PNPLA3: variants seen among roughly 807,000 people sequenced by gnomAD.
The protein encoded by PNPLA3 is 1-acylglycerol-3-phosphate O-acyltransferase PNPLA3.
PNPLA3 carries 42 observed loss-of-function variants against 43.1 expected under a neutral mutation model. The ratio of observed to expected loss-of-function variants is 0.97; its 90% CI spans 0.76 to 1.26. The LOEUF is 1.26. Among genes scored for constraint, PNPLA3 ranks in the 50% most tolerant of loss-of-function variants. The pLI is 0.00. For synonymous variants in PNPLA3, 272 were observed against 253.6 expected (o/e 1.07, Z -0.69); for missense variants, 647 against 621.4 (o/e 1.04, Z -0.44).
Position 43,944,802 on chromosome 22 carries a change from A to G in PNPLA3, c.1217+7A>G. The G allele has an allele frequency of 6.2e-7, 1 of 1,613,322 alleles. No individual in the cohort carries two copies. The highest frequency in any genetic ancestry group is 8.5e-7 in the Non-Finnish European group (1 of 1,179,360). Reference sequence around the variant, plus strand: ...GTCTGCTCCCCGCCTCCAGGTAAATACTTTGGCTGTGGGTGTGTGGGCCGG... The same window carrying G: ...GTCTGCTCCCCGCCTCCAGGTAAATGCTTTGGCTGTGGGTGTGTGGGCCGG... On this transcript the variant is annotated splice_region_variant and intron_variant, in intron 8 of 8. Coordinates refer to ENST00000216180, the MANE Select transcript of PNPLA3 (RefSeq NM_025225.3).
rs1485418741 is a variant in PNPLA3, at chr22:43,946,687, G to A, written c.*305G>A. ...CCCTATTAATGGTCAGACTGTTCCA[G>A]CATGAGGTTCTTAGAATGACAGGTG... On this transcript the variant is annotated 3_prime_UTR_variant, in exon 9 of 9. Transcript: ENST00000216180. 1.7e-6 allele frequency: 1 copy of A among 586,274 alleles called. No individual in the cohort carries two copies. Among genetic ancestry groups the A allele is most frequent in the Admixed American group, 1.9e-5 (1 of 53,390 alleles). The allele number at this position is 586,274 out of a possible 1,614,324, so 36.3% of individuals were successfully genotyped here. A position where few individuals can be genotyped will look rare whatever the true frequency, so the allele number is the denominator to read the frequency against.
rs200872474 is a variant in PNPLA3, at chr22:43,932,971, T to C, written c.580T>C (p.Cys194Arg). 94 of 1,614,192 alleles carry C rather than the reference T, an allele frequency of 5.8e-5. No individual in the cohort carries two copies. The highest frequency in any genetic ancestry group is 7.0e-5 in the Non-Finnish European group (83 of 1,180,020). Residue 194 changes from cysteine (C) to arginine (R), a missense_variant, in exon 4 of 9, where the codon TGC becomes CGC. Physicochemically the swap from Cys to Arg is radical, Grantham distance 180. Transcript: ENST00000216180. ...VSPFYGEYDI[C>R]PKVKSTNFLH... ...CCCCTTCTATGGGGAGTACGACATC[T>C]GCCCTAAAGTCAAGTCCACGAACTT...
chr22:43,927,834 C>G (rs145319602), intron 2 of PNPLA3, among the ~76,000 whole-genome samples: 175 of 152,274 alleles, frequency 1.1e-3, no homozygotes, highest in Non-Finnish European at 1.1e-3. Context: ...GTCCCAAACT[C>G]CTGCACCCAA....
intron 3 of PNPLA3, among the ~76,000 whole-genome samples, chr22:43,929,368 C>T (rs938521140): frequency 4.0e-5 from 6 of 150,444 alleles, no homozygotes; most frequent in African/African-American, 7.3e-5. Flanking sequence ...CCCAGCTGCT[C>T]GGGAGGCTGA....
At position 43,928,902 on chromosome 22, in the gene PNPLA3, T is replaced by C. The variant is rs747834895; in HGVS notation, c.486+13T>C. 4.4e-6 allele frequency: 7 copies of C among 1,604,148 alleles called. No homozygotes were observed. In the African/African-American group the frequency reaches 9.4e-5, roughly 21 times the overall value. On this transcript the variant is annotated intron_variant, in intron 3 of 8. Coordinates refer to ENST00000216180, the MANE Select transcript of PNPLA3 (RefSeq NM_025225.3). Reference sequence around the variant, plus strand: ...CTTCAGAGGCGTGGTAAGTCGGCTTTCTCTGCTAGCGCTGAGTCCTGGGGG... The same window carrying C: ...CTTCAGAGGCGTGGTAAGTCGGCTTCCTCTGCTAGCGCTGAGTCCTGGGGG...
At position 43,946,943 on chromosome 22, in the gene PNPLA3, A is replaced by T. The variant is rs553777736; in HGVS notation, c.*561A>T. On this transcript the variant is annotated 3_prime_UTR_variant, in exon 9 of 9. Coordinates refer to ENST00000216180, the MANE Select transcript of PNPLA3 (RefSeq NM_025225.3). ...ATGATAATCTACTTAATTTTAGAAC[A>T]CCTTTTTCACCTAACTAAAATAATG... is the stretch of plus-strand genomic sequence containing the variant. The T allele has an allele frequency of 3.3e-6, 1 of 304,870 alleles. No homozygotes were observed. The highest frequency in any genetic ancestry group is 2.2e-5 in the African/African-American group (1 of 45,086). 18.9% of individuals were successfully genotyped at this position (304,870 alleles called of 1,614,324 possible). A position where few individuals can be genotyped will look rare whatever the true frequency, so the allele number is the denominator to read the frequency against.
At chr22:43,929,472 T>C (rs1400585006) in intron 3 of PNPLA3, among the ~76,000 whole-genome samples, 1 of 137,116 alleles carries the variant, frequency 7.3e-6, no homozygotes, top group East Asian at 2.2e-4. Flanking sequence ...CGAGACTCTA[T>C]CTCAAAAAGA....
At chr22:43,937,558 C>T (rs1436552883) in intron 6 of PNPLA3, among the ~76,000 whole-genome samples, 1 of 152,182 alleles carries the variant, frequency 6.6e-6, no homozygotes, top group Non-Finnish European at 1.5e-5. Flanking sequence ...TAGGCTCCTG[C>T]CTGTGGCAGC....
At chr22:43,944,586 A>G in intron 7 of PNPLA3, 105 bp from the exon 8 acceptor site, 1 of 880,278 alleles carries the variant, frequency 1.1e-6, no homozygotes, top group Non-Finnish European at 1.9e-6. Flanking sequence ...CTGGGAAGTC[A>G]TCAGATTGGA....
chr22:43,940,118 G>T lies in PNPLA3; in HGVS notation c.1105G>T (p.Val369Phe). The change falls in exon 7 of 9, where the codon GTC becomes TTC. Residue 369 changes from valine (V) to phenylalanine (F), a missense_variant. Transcript: ENST00000216180. ...GCCTGTGGAATCTGCCATTGCGATT[G>T]TCCAGAGGTGAGCATTTTAGGTGGC... ...TLPVESAIAI[V>F]QRLVTWLPDM... The T allele has an allele frequency of 6.2e-7, 1 of 1,614,074 alleles. No homozygotes were observed. The highest frequency in any genetic ancestry group is 8.5e-7 in the Non-Finnish European group (1 of 1,179,962).
At chr22:43,927,780 T>C (rs775201300) in intron 2 of PNPLA3, among the ~76,000 whole-genome samples, 1 of 152,164 alleles carries the variant, frequency 6.6e-6, no homozygotes, top group Non-Finnish European at 1.5e-5. Flanking sequence ...TGCTAATGTT[T>C]GTACTTTTTG....
intron 5 of PNPLA3, among the ~76,000 whole-genome samples, chr22:43,935,300 T>C (rs561175677): frequency 5.9e-5 from 9 of 152,172 alleles, no homozygotes; most frequent in Non-Finnish European, 1.0e-4. Flanking sequence ...TAAGGACATA[T>C]GTGTATTTAT....
Position 43,937,265 on chromosome 22 carries a change from C to T in PNPLA3, c.972C>T (p.Leu324=), listed in dbSNP as rs116679026. 8.1e-4 allele frequency: 1,313 copies of T among 1,613,668 alleles called. 4 individuals are homozygous for T. The African/African-American group carries it at 0.013, about 16-fold the overall frequency. The change falls in exon 6 of 9, where the codon CTC becomes CTT. Residue 324 remains leucine, a synonymous_variant. Coordinates refer to ENST00000216180, the MANE Select transcript of PNPLA3 (RefSeq NM_025225.3). ...TCCTGGACACCCTCTCGCCCAGGCT[C>T]GCTACAGGTACCCACTCCTCGGGGT... ...ESILDTLSPR[L]ATALSEEMKD...
chr22:43,926,138 C>A (rs1484972970), intron 1 of PNPLA3, among the ~76,000 whole-genome samples: 1 of 152,234 alleles, frequency 6.6e-6, no homozygotes, highest in Non-Finnish European at 1.5e-5. Flanking sequence ...CTCAGTGCAT[C>A]TGAGCTGAGG....
chr22:43,932,592 A>G (rs753798294), intron 3 of PNPLA3, among the ~76,000 whole-genome samples: 1 of 152,216 alleles, frequency 6.6e-6, no homozygotes, highest in Non-Finnish European at 1.5e-5. Flanking sequence ...TGGCCAACAC[A>G]ACATGGACTC....
intron 7 of PNPLA3, among the ~76,000 whole-genome samples, chr22:43,943,444 T>A (rs953773055): frequency 2.0e-5 from 3 of 152,174 alleles, no homozygotes; most frequent in African/African-American, 7.2e-5. Flanking sequence ...ACCCTTTCCC[T>A]GGAGCTGGTT....
chr22:43,946,071 G>A (rs2050060928), intron 8 of PNPLA3, 83 bp from the exon 9 acceptor site: 12 of 1,310,604 alleles, frequency 9.2e-6, no homozygotes, highest in South Asian at 2.5e-5. Context: ...TCTACTGGCC[G>A]GCAATGTGGG....
At chr22:43,935,633 C>G (rs1997693) in intron 5 of PNPLA3, among the ~76,000 whole-genome samples, 29,853 of 148,836 alleles carry the variant, frequency 0.2, 3,506 homozygotes, top group East Asian at 0.4. Context: ...AGGACACAGA[C>G]AGGATGGCAT....
chr22:43,942,363 T>C (rs549680838), intron 7 of PNPLA3, among the ~76,000 whole-genome samples: 2 of 152,348 alleles, frequency 1.3e-5, no homozygotes, highest in Admixed American at 6.5e-5. Flanking sequence ...TTTATGTGTG[T>C]TGGGAAACGT....
Sources: gnomAD v4.1 joint callset for allele counts (sites outside exome capture counted in the v4.1 genomes callset) on GRCh38, gnomAD v4.1.1 for gene constraint, MANE v1.5 for transcripts, NCBI Gene and HGNC (gene_info 2026-07-23, HGNC 2026-07-21) for gene names.